The following KATNAL1 variants were observed in gnomAD, a reference collection of about 807,000 sequenced individuals.
The protein encoded by KATNAL1 is katanin p60 ATPase-containing subunit A-like 1.
In KATNAL1, 32 loss-of-function variants were observed where a neutral mutation model predicts 55.2. The observed-to-expected ratio is 0.58, with a 90% CI of 0.44 to 0.78. The LOEUF is 0.78. Among genes scored for constraint, KATNAL1 ranks in the 30% least tolerant of loss-of-function variants. The pLI, the probability that KATNAL1 is intolerant of heterozygous loss-of-function variation, is 0.00. For missense variants in KATNAL1, 466 were observed against 600.9 expected, an observed-to-expected ratio of 0.78 and a Z score of 2.35; for synonymous variants, 193 against 193.6, an observed-to-expected ratio of 1.00 and a Z score of 0.02.
intron 9 of KATNAL1, among the ~76,000 whole-genome samples, chr13:30,222,876 T>C (rs1220784075): frequency 6.6e-6 from 1 of 151,218 alleles, no homozygotes; most frequent in Non-Finnish European, 1.5e-5. Context: ...GTGAATCACC[T>C]GAGCTCAGGA....
At chr13:30,292,752 G>A (rs1188260953) in intron 1 of KATNAL1, among the ~76,000 whole-genome samples, 4 of 151,896 alleles carry the variant, frequency 2.6e-5, no homozygotes, top group Non-Finnish European at 5.9e-5. Context: ...CTACAGTTGG[G>A]AGAAAAAATT....
At chr13:30,275,457 G>T (rs141159818) in intron 3 of KATNAL1, among the ~76,000 whole-genome samples, 31 of 152,220 alleles carry the variant, frequency 2.0e-4, no homozygotes, top group African/African-American at 7.2e-4. Context: ...TTCAACATGG[G>T]ATTAATGGGA....
chr13:30,290,183 G>C (rs2137550895), intron 1 of KATNAL1, among the ~76,000 whole-genome samples: 1 of 152,176 alleles, frequency 6.6e-6, no homozygotes, highest in South Asian at 2.1e-4. Flanking sequence ...GAAGCAGAAG[G>C]AACAATGTAA....
At chr13:30,224,856 C>T (rs920173796) in intron 9 of KATNAL1, among the ~76,000 whole-genome samples, 1 of 151,676 alleles carries the variant, frequency 6.6e-6, no homozygotes, top group African/African-American at 2.4e-5. Context: ...ATTATGCCAA[C>T]TTAAGTGAAG....
chr13:30,243,032 G>C (rs1877428883), intron 4 of KATNAL1, among the ~76,000 whole-genome samples: 1 of 152,132 alleles, frequency 6.6e-6, no homozygotes. Context: ...ACCTCTCCAA[G>C]ATATTACTAA....
chr13:30,291,431 G>A (rs890765812), intron 1 of KATNAL1, among the ~76,000 whole-genome samples: 26 of 152,182 alleles, frequency 1.7e-4, no homozygotes, highest in Non-Finnish European at 8.8e-5. Flanking sequence ...TAAATTAATA[G>A]ATATGTGTGT....
intron 9 of KATNAL1, among the ~76,000 whole-genome samples, chr13:30,225,308 A>G (rs920181800): frequency 1.3e-5 from 2 of 152,216 alleles, no homozygotes; most frequent in Non-Finnish European, 1.5e-5. Flanking sequence ...GACATGAACT[A>G]TATAATCAGC....
At chr13:30,270,210 G>GC (rs1566119096) in intron 3 of KATNAL1, among the ~76,000 whole-genome samples, 3 of 113,522 alleles carry the variant, frequency 2.6e-5, no homozygotes, top group Admixed American at 2.5e-4. Flanking sequence ...TGGGGGGTCA[G>GC]CCCCCCGCCC....
intron 1 of KATNAL1, among the ~76,000 whole-genome samples, chr13:30,303,328 C>G (rs1463590866): frequency 1.3e-5 from 2 of 152,222 alleles, no homozygotes; most frequent in Non-Finnish European, 2.9e-5. Flanking sequence ...CCATATCTCA[C>G]TTTTATCAGG....
In KATNAL1 at chr13:30,203,021, T is replaced by C. The variant is rs1346234297; in HGVS notation, c.*5519A>G. On this transcript the variant is annotated 3_prime_UTR_variant, in exon 11 of 11. Coordinates refer to ENST00000380615, the MANE Select transcript of KATNAL1 (RefSeq NM_032116.5). ...TACTCAGGTTTTTAGAGAATGAACATAGGAACATGTAGGATCCACAATTTT... is the reference window on the plus strand; with the variant it reads ...TACTCAGGTTTTTAGAGAATGAACACAGGAACATGTAGGATCCACAATTTT... 6.6e-6 allele frequency: 1 copy of C among 152,216 alleles called. No individual in the cohort carries two copies. The highest frequency in any genetic ancestry group is 6.5e-5 in the Admixed American group (1 of 15,282). 9.4% of individuals were successfully genotyped at this position (152,216 alleles called of 1,614,324 possible). A position where few individuals can be genotyped will look rare whatever the true frequency, so the allele number is the denominator to read the frequency against.
chr13:30,280,002 T>C, intron 3 of KATNAL1, 61 bp downstream of exon 3: 1 of 1,421,690 alleles, frequency 7.0e-7, no homozygotes, highest in East Asian at 2.4e-5. Context: ...GTTCAAAACA[T>C]GCTTCACTGT....
chr13:30,213,686 C>T (rs1272870514), intron 9 of KATNAL1, among the ~76,000 whole-genome samples: 1 of 151,954 alleles, frequency 6.6e-6, no homozygotes, highest in Non-Finnish European at 1.5e-5. Context: ...ATGATTATCT[C>T]AATAGATGCA....
chr13:30,280,239 T>G lies in KATNAL1; in HGVS notation c.163-16A>C. ...CCTGCCGAACCTTAAAAAAAAAAAA[T>G]AGGCTTTATGCTAGAAGCTGTTTAA... On this transcript the variant is annotated splice_polypyrimidine_tract_variant and intron_variant, in intron 2 of 10. Coordinates refer to ENST00000380615, the MANE Select transcript of KATNAL1 (RefSeq NM_032116.5). The G allele has an allele frequency of 6.9e-7, 1 of 1,447,804 alleles. No individual in the cohort carries two copies. Among genetic ancestry groups the G allele is most frequent in the Non-Finnish European group, 9.4e-7 (1 of 1,065,510 alleles). 89.7% of individuals were successfully genotyped at this position (1,447,804 alleles called of 1,614,324 possible). A position where few individuals can be genotyped will look rare whatever the true frequency, so the allele number is the denominator to read the frequency against.
At chr13:30,274,886 C>CACAT (rs200329258) in intron 3 of KATNAL1, among the ~76,000 whole-genome samples, 5,252 of 122,760 alleles carry the variant, frequency 0.043, 144 homozygotes, top group Middle Eastern at 0.079. Context: ...TGTGTGCACA[C>CACAT]ACATACGCGC....
chr13:30,280,126 G>A lies in KATNAL1; in HGVS notation c.260C>T (p.Ser87Phe), dbSNP rs767863097. 11 of 1,613,346 alleles carry A rather than the reference G, an allele frequency of 6.8e-6. No individual in the cohort carries two copies. The South Asian group carries it at 9.9e-5, about 15-fold the overall frequency. ...ATCTCTAAATGGTTCATCTTGACAG[G>A]ACACAGGGAAATCTGGAGGCTTGTC... ...KIDKPPDFPV[S>F]CQDEPFRDPA... Residue 87 changes from serine to phenylalanine, a missense_variant, in exon 3 of 11, where the codon TCC (serine) becomes TTC (phenylalanine). Ser to Phe is a radical substitution (Grantham distance 155, BLOSUM62 -2). This residue lies in a region of KATNAL1 where 248 missense variants were observed against 275.5 expected (regional missense o/e 0.90). Transcript: ENST00000380615.
intron 1 of KATNAL1, among the ~76,000 whole-genome samples, chr13:30,290,131 C>T (rs1882038398): frequency 6.6e-6 from 1 of 152,142 alleles, no homozygotes; most frequent in African/African-American, 2.4e-5. Flanking sequence ...CTTTCAGCTT[C>T]TATCTTAAGA....
intron 3 of KATNAL1, among the ~76,000 whole-genome samples, chr13:30,268,831 A>C (rs1393763928): frequency 1.3e-5 from 2 of 152,210 alleles, no homozygotes; most frequent in Non-Finnish European, 2.9e-5. Flanking sequence ...AATAAACCTA[A>C]ATAAGCATTC....
chr13:30,223,222 A>G (rs370785415), intron 9 of KATNAL1, among the ~76,000 whole-genome samples: 248 of 149,882 alleles, frequency 1.7e-3, no homozygotes, highest in South Asian at 7.7e-3. Context: ...GGCGGATCAC[A>G]AGGTCAGGAG....
intron 9 of KATNAL1, among the ~76,000 whole-genome samples, chr13:30,227,189 G>A (rs1451237835): frequency 6.6e-6 from 1 of 152,140 alleles, no homozygotes; most frequent in Non-Finnish European, 1.5e-5. Flanking sequence ...AAACTTAAAA[G>A]TGCTACCATA....
Sources: allele counts gnomAD v4.1 joint callset (sites outside exome capture counted in the v4.1 genomes callset), GRCh38; gene constraint gnomAD v4.1.1; regional missense constraint gnomAD v4.1.1; transcripts MANE v1.5; gene names NCBI Gene and HGNC (gene_info 2026-07-23, HGNC 2026-07-21).